ADGRL3: variants seen among roughly 807,000 people sequenced by gnomAD.
The protein encoded by ADGRL3 is calcium-independent alpha-latrotoxin receptor 3.
A neutral mutation model predicts 153.5 loss-of-function variants in ADGRL3; 62 were observed. The observed-to-expected ratio is 0.40, with a 90% CI of 0.33 to 0.50. ADGRL3 has a LOEUF of 0.50. ADGRL3 is among the 20% of genes least tolerant of loss of function. ADGRL3 has a pLI of 0.47. For missense variants in ADGRL3, 1,641 were observed against 1,859.4 expected (o/e 0.88, Z 2.16); for synonymous variants, 710 against 672.5 (o/e 1.06, Z -0.86).
intron 5 of ADGRL3, among the ~76,000 whole-genome samples, chr4:61,672,492 A>G (rs996724243): frequency 3.9e-5 from 6 of 152,138 alleles, no homozygotes; most frequent in East Asian, 3.8e-4. Context: ...CCTAATTTAA[A>G]AGTGGACTCA....
intron 8 of ADGRL3, among the ~76,000 whole-genome samples, chr4:61,806,974 A>G (rs1037602820): frequency 2.6e-5 from 4 of 152,156 alleles, no homozygotes; most frequent in Admixed American, 6.5e-5. Flanking sequence ...CTCAGATATC[A>G]ATATTATTTT....
At chr4:61,979,497 C>A in intron 17 of ADGRL3, 66 bp from the exon 18 acceptor site, 2 of 1,265,050 alleles carry the variant, frequency 1.6e-6, no homozygotes, top group Non-Finnish European at 2.3e-6. Context: ...TGCATCCAGG[C>A]CCTTATAAAA....
chr4:61,587,551 T>TG, intron 5 of ADGRL3, 111 bp downstream of exon 5: 1 of 798,416 alleles, frequency 1.3e-6, no homozygotes, highest in Non-Finnish European at 1.9e-6. Context: ...TTTAGGACAC[T>TG]TCAAAATAGT....
intron 5 of ADGRL3, among the ~76,000 whole-genome samples, chr4:61,613,583 A>G (rs2149716465): frequency 6.6e-6 from 1 of 152,244 alleles, no homozygotes; most frequent in Non-Finnish European, 1.5e-5. Flanking sequence ...GTCTCTACTA[A>G]AAATACAAAA....
chr4:61,220,455 A>AT (rs1448562289), intron 1 of ADGRL3, among the ~76,000 whole-genome samples: 1 of 152,166 alleles, frequency 6.6e-6, no homozygotes, highest in East Asian at 1.9e-4. Flanking sequence ...TATGCTCTAT[A>AT]TAATGGGACT....
intron 8 of ADGRL3, among the ~76,000 whole-genome samples, chr4:61,771,195 T>C (rs1470709753): frequency 2.6e-5 from 4 of 152,186 alleles, no homozygotes; most frequent in Non-Finnish European, 5.9e-5. Flanking sequence ...TGTTAAGGAA[T>C]GGAATTTTCC....
At chr4:61,309,789 C>G (rs893210484) in intron 1 of ADGRL3, among the ~76,000 whole-genome samples, 2 of 152,006 alleles carry the variant, frequency 1.3e-5, no homozygotes, top group African/African-American at 4.8e-5. Flanking sequence ...TCCAAGAAAG[C>G]GAGCTGTTCT....
At chr4:61,367,374 C>G (rs1484698659) in intron 1 of ADGRL3, among the ~76,000 whole-genome samples, 1 of 151,954 alleles carries the variant, frequency 6.6e-6, no homozygotes, top group African/African-American at 2.4e-5. Flanking sequence ...TCTCCCAATG[C>G]TATCCCTCCC....
intron 8 of ADGRL3, among the ~76,000 whole-genome samples, chr4:61,778,671 A>G (rs998521885): frequency 6.6e-6 from 1 of 152,236 alleles, no homozygotes; most frequent in Non-Finnish European, 1.5e-5. Flanking sequence ...TATTATTAAT[A>G]TTAACCATTA....
intron 1 of ADGRL3, among the ~76,000 whole-genome samples, chr4:61,206,394 A>G (rs1737208980): frequency 6.6e-6 from 1 of 152,198 alleles, no homozygotes; most frequent in South Asian, 2.1e-4. Context: ...TAAAGCAAAC[A>G]ATGCTGTTTT....
In ADGRL3 at chr4:62,037,777, G is replaced by A. The variant is rs867668218; in HGVS notation, c.3638G>A (p.Gly1213Asp). Reference sequence around the variant, plus strand: ...TGCCTGCGAACACATTGCTGTAGTGGCAAAAGTACAGAGAGTTCCATTGGT... The same window carrying A: ...TGCCTGCGAACACATTGCTGTAGTGACAAAAGTACAGAGAGTTCCATTGGT... ...GKCLRTHCCSGKSTESSIGSG... is the reference protein window; with the variant it reads ...GKCLRTHCCSDKSTESSIGSG... Residue 1213 changes from glycine to aspartate, a missense_variant, in exon 24 of 27, where the codon GGC (glycine) becomes GAC (aspartate). Around this residue, in one of 5 missense-constraint regions of ADGRL3, gnomAD observed 517 missense variants for 555.0 expected, o/e 0.93. Transcript: ENST00000683033. The A allele has an allele frequency of 6.2e-7, 1 of 1,613,770 alleles. No individual in the cohort carries two copies. Among genetic ancestry groups the A allele is most frequent in the Non-Finnish European group, 8.5e-7 (1 of 1,179,754 alleles).
intron 21 of ADGRL3, among the ~76,000 whole-genome samples, chr4:62,017,783 A>T (rs1239000362): frequency 6.6e-6 from 1 of 152,190 alleles, no homozygotes; most frequent in Non-Finnish European, 1.5e-5. Flanking sequence ...AGAAGAAAGC[A>T]TGGTTCCTTT....
At chr4:61,685,458 A>G (rs1260826069) in intron 6 of ADGRL3, among the ~76,000 whole-genome samples, 2 of 152,138 alleles carry the variant, frequency 1.3e-5, no homozygotes, top group East Asian at 3.9e-4. Context: ...ATATGATTCT[A>G]TGATAAAGAA....
chr4:61,397,622 C>T (rs1211153983), intron 2 of ADGRL3, among the ~76,000 whole-genome samples: 1 of 151,836 alleles, frequency 6.6e-6, no homozygotes, highest in African/African-American at 2.4e-5. Flanking sequence ...TCCTAAGATT[C>T]TGGGTGAGAA....
chr4:61,378,308 A>C (rs150335235), intron 1 of ADGRL3, among the ~76,000 whole-genome samples: 1 of 151,858 alleles, frequency 6.6e-6, no homozygotes, highest in Non-Finnish European at 1.5e-5. Flanking sequence ...TTTTGTGGAG[A>C]CCATTTGCCA....
chr4:62,020,180 G>A (rs1445614854), intron 21 of ADGRL3, among the ~76,000 whole-genome samples: 3 of 152,074 alleles, frequency 2.0e-5, no homozygotes, highest in Non-Finnish European at 4.4e-5. Flanking sequence ...ATCCCATACA[G>A]TATGAAAAAG....
intron 1 of ADGRL3, among the ~76,000 whole-genome samples, chr4:61,218,337 G>A (rs1012365244): frequency 5.3e-5 from 8 of 151,032 alleles, no homozygotes; most frequent in Admixed American, 1.3e-4. Flanking sequence ...TGGAGACAGC[G>A]TCTTGCTCTG....
intron 2 of ADGRL3, among the ~76,000 whole-genome samples, chr4:61,448,614 G>A (rs953103300): frequency 1.3e-5 from 2 of 151,774 alleles, no homozygotes; most frequent in South Asian, 2.1e-4. Flanking sequence ...ACATTCTGTC[G>A]GCTTCAACTA....
intron 2 of ADGRL3, among the ~76,000 whole-genome samples, chr4:61,436,523 T>C (rs1288080748): frequency 6.6e-6 from 1 of 152,184 alleles, no homozygotes. Context: ...AGAAATGTGA[T>C]AGTTCCTTAA....
Sources: allele counts gnomAD v4.1 joint callset (sites outside exome capture counted in the v4.1 genomes callset), GRCh38; gene constraint gnomAD v4.1.1; regional missense constraint gnomAD v4.1.1; transcripts MANE v1.5; gene names NCBI Gene and HGNC (gene_info 2026-07-23, HGNC 2026-07-21).